The following FAM221B variants were observed in gnomAD, a reference collection of about 807,000 sequenced individuals.
FAM221B encodes the protein family with sequence similarity 221 member B.
A neutral mutation model predicts 39.8 loss-of-function variants in FAM221B; 35 were observed. The ratio of observed to expected loss-of-function variants is 0.88; its 90% CI spans 0.67 to 1.17. The LOEUF (loss-of-function observed/expected upper bound fraction) is 1.17, where lower values mean the gene tolerates loss of function less well. Among genes scored for constraint, FAM221B ranks in the 50% most tolerant of loss-of-function variants. The pLI, the probability that FAM221B is intolerant of heterozygous loss-of-function variation, is 0.00. For missense variants in FAM221B, 479 were observed against 503.1 expected (o/e 0.95, Z 0.46); for synonymous variants, 158 against 178.1 (o/e 0.89, Z 0.90).
rs368030948 is a variant in FAM221B at position 35,819,264 on chromosome 9, G to C, written c.984C>G (p.Ala328=). 3.2e-6 allele frequency: 5 copies of C among 1,551,604 alleles called. No homozygotes were observed. The highest frequency in any genetic ancestry group is 1.4e-5 in the African/African-American group (1 of 73,052). Reference sequence around the variant, plus strand: ...CGTGGCTGTGTTTGCAGCGACATTGGGCCCTCCAGGCCTTGGGGTCAAAGG... The same window carrying C: ...CGTGGCTGTGTTTGCAGCGACATTGCGCCCTCCAGGCCTTGGGGTCAAAGG... ...RATFDPKAWR[A]QCRCKHSHEE... The change falls in exon 5 of 7, where the codon GCC becomes GCG. Residue 328 remains alanine (A), a synonymous_variant. Transcript: ENST00000423537.
In FAM221B at chr9:35,825,401, G is replaced by A; in HGVS notation, c.599-28C>T. On this transcript the variant is annotated intron_variant, in intron 2 of 6. Transcript: ENST00000423537. The surrounding 1 kb of genome is among the most constrained non-coding windows in gnomAD (Gnocchi z 4.2). ...AGGATGGGAGAGGATGAGTAACCAG[G>A]GGGAAGTGAGAAGGCCCTAAAACTA... The A allele has an allele frequency of 6.2e-7, 1 of 1,613,382 alleles. No homozygotes were observed.
intron 1 of FAM221B, 22 bp from the exon 2 acceptor site, chr9:35,826,183 G>A: frequency 1.3e-6 from 2 of 1,531,262 alleles, no homozygotes; most frequent in East Asian, 2.2e-5. Context: ...ACAGGGTACA[G>A]GCTTCATTAG....
chr9:35,820,115 C>G lies in FAM221B; in HGVS notation c.743-115G>C, dbSNP rs1434044221. On this transcript the variant is annotated intron_variant, in intron 3 of 6. Transcript: ENST00000423537. The stretch of plus-strand genomic sequence containing the variant: ...GGGGGGAACTTACCTCTCCCCACCC[C>G]CAGGTATCTTTATCTCCACCTGGAA... 4 of 646,324 alleles carry G rather than the reference C, an allele frequency of 6.2e-6. No homozygotes were observed. The East Asian group carries it at 8.2e-5, about 13-fold the overall frequency. The allele number at this position is 646,324 out of a possible 1,614,324, so 40.0% of individuals were successfully genotyped here. A position where few individuals can be genotyped will look rare whatever the true frequency, so the allele number is the denominator to read the frequency against.
At position 35,826,126 on chromosome 9, in the gene FAM221B, G is replaced by T; in HGVS notation, c.36C>A (p.Ile12=). ...EAHEIIEEPH[I]TMDAEKHPPS... is the part of the protein sequence containing the mutation. Reference sequence around the variant, plus strand: ...GGGGGTGCTTCTCTGCATCCATGGTGATATGAGGCTCTTCTATGATCTCAT... The same window carrying T: ...GGGGGTGCTTCTCTGCATCCATGGTTATATGAGGCTCTTCTATGATCTCAT... The change falls in exon 2 of 7, where the codon ATC becomes ATA. Residue 12 remains isoleucine (I), a synonymous_variant. Transcript: ENST00000423537. 2 of 1,605,470 alleles carry T rather than the reference G, an allele frequency of 1.2e-6. No homozygotes were observed. The highest frequency in any genetic ancestry group is 1.7e-6 in the Non-Finnish European group (2 of 1,176,392).
At chr9:35,820,709 A>C (rs889346122) in intron 3 of FAM221B, among the ~76,000 whole-genome samples, 3 of 152,158 alleles carry the variant, frequency 2.0e-5, no homozygotes, top group African/African-American at 7.2e-5. Context: ...ACCAAAAATT[A>C]TATATTTTGA....
At chr9:35,823,573 T>C (rs1200766090) in intron 3 of FAM221B, among the ~76,000 whole-genome samples, 4 of 152,148 alleles carry the variant, frequency 2.6e-5, no homozygotes, top group Admixed American at 2.6e-4. Context: ...AACAGGAAGA[T>C]GAAGAAGTTC....
Position 35,819,944 on chromosome 9 carries a change from C to A in FAM221B, c.799G>T (p.Asp267Tyr). Residue 267 changes from aspartate (D) to tyrosine (Y), a missense_variant, in exon 4 of 7, where the codon GAT becomes TAT. By Grantham distance (160) the Asp-to-Tyr change is radical. Transcript: ENST00000423537. ...TGTCCACAAAAGCATCTGGACTCAT[C>A]CCCAATCCGGAAACAGTCCCATAGG... The part of the protein sequence containing the change: ...HYLWDCFRIG[D>Y]ESRCFCGHLL... 1 of 1,614,140 alleles carries A rather than the reference C, an allele frequency of 6.2e-7. No individual in the cohort carries two copies. Among genetic ancestry groups the A allele is most frequent in the South Asian group, 1.1e-5 (1 of 91,080 alleles).
intron 3 of FAM221B, among the ~76,000 whole-genome samples, chr9:35,822,550 G>A (rs752742152): frequency 1.3e-5 from 2 of 152,112 alleles, no homozygotes; most frequent in South Asian, 4.1e-4. Context: ...TGGGATTACA[G>A]GTGTCCGCCA....
Position 35,825,088 on chromosome 9 carries a change from T to C in FAM221B, c.742+142A>G. The C allele has an allele frequency of 1.1e-6, 1 of 948,990 alleles. No homozygotes were observed. Among genetic ancestry groups the C allele is most frequent in the Non-Finnish European group, 1.5e-6 (1 of 645,722 alleles). The allele number at this position is 948,990 out of a possible 1,614,324, so 58.8% of individuals were successfully genotyped here. A position where few individuals can be genotyped will look rare whatever the true frequency, so the allele number is the denominator to read the frequency against. On this transcript the variant is annotated intron_variant, in intron 3 of 6. Coordinates refer to ENST00000423537, the MANE Select transcript of FAM221B (RefSeq NM_001012446.4). This position sits in a 1 kb window ranked among gnomAD's most constrained non-coding sequence, Gnocchi z 4.2. ...TCCACCCTTGTATTCCTTGGCCCACTTGCCTGCTCCTTTTCCAGGCAGGTG... is the reference window on the plus strand; with the variant it reads ...TCCACCCTTGTATTCCTTGGCCCACCTGCCTGCTCCTTTTCCAGGCAGGTG...
At chr9:35,824,149 G>C (rs941496833) in intron 3 of FAM221B, among the ~76,000 whole-genome samples, 8 of 152,038 alleles carry the variant, frequency 5.3e-5, no homozygotes, top group East Asian at 1.9e-4. Flanking sequence ...GCCTGTCATC[G>C]TAGCTCTATT....
Position 35,825,956 on chromosome 9 carries a change from GCCTCTAAGGGGAT to G in FAM221B, c.193_205del (p.Ile65ProfsTer56). On this transcript the variant is annotated frameshift_variant, in exon 2 of 7. Coordinates refer to ENST00000423537, the MANE Select transcript of FAM221B (RefSeq NM_001012446.4). LOFTEE classifies it high-confidence loss of function. The surrounding 1 kb of genome is among the most constrained non-coding windows in gnomAD (Gnocchi z 4.2). ...CTCCTGATGGGTTTCAGGGGAATGG[GCCTCTAAGGGGAT>G]CTGGGAAGGGGATGGCACCAAAGGG... 6.2e-7 allele frequency: 1 copy of G among 1,614,088 alleles called. No individual in the cohort carries two copies.
At position 35,819,270 on chromosome 9, in the gene FAM221B, C is replaced by G. The variant is rs1020160013; in HGVS notation, c.978G>C (p.Trp326Cys). The G allele has an allele frequency of 6.4e-7, 1 of 1,551,738 alleles. No homozygotes were observed. Among genetic ancestry groups the G allele is most frequent in the Non-Finnish European group, 8.7e-7 (1 of 1,147,004 alleles). Residue 326 changes from tryptophan (W) to cysteine (C), a missense_variant, in exon 5 of 7, where the codon TGG (tryptophan) becomes TGC (cysteine). By Grantham distance (215) the Trp-to-Cys change is radical. Transcript: ENST00000423537. ...KRRATFDPKA[W>C]RAQCRCKHSH... ...TGTGTTTGCAGCGACATTGGGCCCT[C>G]CAGGCCTTGGGGTCAAAGGTGGCCC...
intron 5 of FAM221B, 87 bp from the exon 6 acceptor site, chr9:35,819,096 G>A (rs964802946): frequency 2.0e-5 from 30 of 1,537,346 alleles, no homozygotes; most frequent in Admixed American, 7.9e-5. Flanking sequence ...CTCAGTGACC[G>A]CATGCCCAAG....
At chr9:35,824,988 C>G (rs187410908) in intron 3 of FAM221B, among the ~76,000 whole-genome samples, 20 of 152,290 alleles carry the variant, frequency 1.3e-4, no homozygotes, top group African/African-American at 4.8e-4. Context: ...GCCGACCCTT[C>G]TGTGTTTAAT....
chr9:35,816,401 T>C lies in FAM221B; in HGVS notation c.*2068A>G, dbSNP rs562882033. On this transcript the variant is annotated 3_prime_UTR_variant, in exon 7 of 7. Coordinates refer to ENST00000423537, the MANE Select transcript of FAM221B (RefSeq NM_001012446.4). ...CTTTGGTTTTTCTTTTTTTCTTTTT[T>C]TTTTTTTTAAACACATGACCTGATA... 6 of 151,952 alleles carry C rather than the reference T, an allele frequency of 3.9e-5. No individual in the cohort carries two copies. The East Asian group carries it at 9.6e-4, about 24-fold the overall frequency. 9.4% of individuals were successfully genotyped at this position (151,952 alleles called of 1,614,324 possible).
In FAM221B at chr9:35,816,919, C is replaced by G. The variant is rs1829035583; in HGVS notation, c.*1550G>C. On this transcript the variant is annotated 3_prime_UTR_variant, in exon 7 of 7. Transcript: ENST00000423537. Reference sequence around the variant, plus strand: ...GAGGCTGCAGTTCTCTGTGGTGCCTCTGGGACACTGGGAGACCCTAGAGTT... The same window carrying G: ...GAGGCTGCAGTTCTCTGTGGTGCCTGTGGGACACTGGGAGACCCTAGAGTT... The G allele has an allele frequency of 6.6e-6, 1 of 152,152 alleles. No homozygotes were observed. The highest frequency in any genetic ancestry group is 2.1e-4 in the South Asian group (1 of 4,828). 9.4% of individuals were successfully genotyped at this position (152,152 alleles called of 1,614,324 possible). A position where few individuals can be genotyped will look rare whatever the true frequency, so the allele number is the denominator to read the frequency against.
chr9:35,820,434 A>G (rs1829125731), intron 3 of FAM221B, among the ~76,000 whole-genome samples: 1 of 152,220 alleles, frequency 6.6e-6, no homozygotes, highest in South Asian at 2.1e-4. Flanking sequence ...GAAAGGGAAG[A>G]TGATTGGCCA....
Position 35,825,689 on chromosome 9 carries a change from G to GA in FAM221B, c.472dup (p.Ser158PhefsTer23). ...CACTTGGACCTGGGATGAAGGGCCT[G>GA]AAAGACAGTGTTCTGGAAGGCTCTC... On this transcript the variant is annotated frameshift_variant, in exon 2 of 7. Coordinates refer to ENST00000423537, the MANE Select transcript of FAM221B (RefSeq NM_001012446.4). LOFTEE classifies it high-confidence loss of function. The surrounding 1 kb of genome is among the most constrained non-coding windows in gnomAD (Gnocchi z 4.2). 6.2e-7 allele frequency: 1 copy of GA among 1,614,212 alleles called. No homozygotes were observed. The highest frequency in any genetic ancestry group is 8.5e-7 in the Non-Finnish European group (1 of 1,180,038).
Position 35,826,077 on chromosome 9 carries a change from C to T in FAM221B, c.85G>A (p.Asp29Asn). ...HPPSKDPSAE[D>N]LQENHISESF... ...TCAGAGATATGGTTCTCCTGTAAGT[C>T]CTCAGCAGAGGGGTCCTTTGAAGGG... Residue 29 changes from aspartate to asparagine, a missense_variant, in exon 2 of 7, where the codon GAC becomes AAC. Transcript: ENST00000423537. 1 of 1,613,988 alleles carries T rather than the reference C, an allele frequency of 6.2e-7. No homozygotes were observed. Among genetic ancestry groups the T allele is most frequent in the Non-Finnish European group, 8.5e-7 (1 of 1,179,974 alleles).
Sources: allele counts gnomAD v4.1 joint callset (sites outside exome capture counted in the v4.1 genomes callset), GRCh38; gene constraint gnomAD v4.1.1; non-coding constraint Gnocchi (gnomAD v3.1); transcripts MANE v1.5; gene names NCBI Gene and HGNC (gene_info 2026-07-23, HGNC 2026-07-21).